The following PRELID2 variants were observed in gnomAD, a reference collection of about 807,000 sequenced individuals.
The protein encoded by PRELID2 is PRELI domain-containing protein 2.
In PRELID2, 25 loss-of-function variants were observed where a neutral mutation model predicts 28.4. That is an observed-to-expected ratio of 0.88 (90% CI 0.64 to 1.23). The LOEUF (loss-of-function observed/expected upper bound fraction) is 1.23, where lower values mean the gene tolerates loss of function less well. Among genes scored for constraint, PRELID2 ranks in the 50% most tolerant of loss-of-function variants. The pLI is 0.00. For synonymous variants in PRELID2, 76 were observed against 71.6 expected (o/e 1.06, Z -0.31); for missense variants, 201 against 214.4 (o/e 0.94, Z 0.39).
the PRELID2 span, among the ~76,000 whole-genome samples, chr5:145,278,156 G>A: frequency 1.3e-5 from 2 of 152,084 alleles, no homozygotes; most frequent in African/African-American, 2.4e-5. Flanking sequence ...TCACACTTTT[G>A]TTCCCTCTTG....
chr5:145,776,953 G>A (rs1435113504), intron 5 of PRELID2, among the ~76,000 whole-genome samples: 1 of 152,168 alleles, frequency 6.6e-6, no homozygotes, highest in Non-Finnish European at 1.5e-5. Flanking sequence ...ATTAAGGCTT[G>A]TATTTTTAAA....
At chr5:145,726,410 C>G (rs1756168089) in intron 1 of PRELID2, among the ~76,000 whole-genome samples, 1 of 152,122 alleles carries the variant, frequency 6.6e-6, no homozygotes, top group East Asian at 1.9e-4. Flanking sequence ...GGTCAGGGAT[C>G]TATAGTCAGG....
intron 1 of PRELID2, among the ~76,000 whole-genome samples, chr5:145,510,373 G>A (rs959908358): frequency 3.9e-5 from 6 of 152,132 alleles, no homozygotes; most frequent in Non-Finnish European, 8.8e-5. Context: ...AATGGGACTA[G>A]ACAGCCTTAC....
the PRELID2 span, among the ~76,000 whole-genome samples, chr5:145,314,704 AAAGT>A: frequency 2.0e-5 from 3 of 152,002 alleles, no homozygotes; most frequent in Admixed American, 6.6e-5. Flanking sequence ...GTATCATTTC[AAAGT>A]AAGTTGCCAG....
At chr5:145,258,087 T>G in the PRELID2 span, among the ~76,000 whole-genome samples, 128 of 152,276 alleles carry the variant, frequency 8.4e-4, no homozygotes, top group African/African-American at 3.0e-3. Context: ...AGAAGCTTCC[T>G]GAAGCCTCCT....
intron 1 of PRELID2, among the ~76,000 whole-genome samples, chr5:145,510,548 C>T (rs946888081): frequency 2.0e-5 from 3 of 152,198 alleles, no homozygotes; most frequent in African/African-American, 7.2e-5. Context: ...ATTTCCAGTA[C>T]AGCATTTGAT....
At chr5:145,246,316 T>C in the PRELID2 span, among the ~76,000 whole-genome samples, 266 of 152,218 alleles carry the variant, frequency 1.7e-3, 1 homozygote, top group Middle Eastern at 6.8e-3. Context: ...TTTGTTTATC[T>C]GATACATTTT....
intron 1 of PRELID2, among the ~76,000 whole-genome samples, chr5:145,606,919 G>T (rs968144998): frequency 6.6e-6 from 1 of 151,928 alleles, no homozygotes; most frequent in African/African-American, 2.4e-5. Flanking sequence ...TTCAATTTTG[G>T]AACTCATTAG....
intron 4 of PRELID2, among the ~76,000 whole-genome samples, chr5:145,805,413 G>T (rs1753429201): frequency 6.6e-6 from 1 of 152,154 alleles, no homozygotes; most frequent in Admixed American, 6.5e-5. Flanking sequence ...GCTTACCACT[G>T]GGACCATGGG....
chr5:145,533,678 T>C (rs1187176095), intron 1 of PRELID2, among the ~76,000 whole-genome samples: 1 of 152,092 alleles, frequency 6.6e-6, no homozygotes, highest in Non-Finnish European at 1.5e-5. Flanking sequence ...AGCATATATA[T>C]TTCCCTCTTA....
At chr5:145,383,282 T>G in the PRELID2 span, among the ~76,000 whole-genome samples, 1 of 151,426 alleles carries the variant, frequency 6.6e-6, no homozygotes, top group African/African-American at 2.4e-5. Flanking sequence ...TATACACACA[T>G]ACGTACATAT....
intron 1 of PRELID2, among the ~76,000 whole-genome samples, chr5:145,559,203 C>T (rs1054953286): frequency 6.0e-5 from 9 of 151,062 alleles, no homozygotes; most frequent in South Asian, 2.1e-4. Context: ...GGCAGTGAGC[C>T]GAGATTCCGC....
At chr5:145,274,955 G>T in the PRELID2 span, among the ~76,000 whole-genome samples, 1 of 152,014 alleles carries the variant, frequency 6.6e-6, no homozygotes, top group African/African-American at 2.4e-5. Flanking sequence ...TCTCACTTTG[G>T]CTTTTGGATG....
the PRELID2 span, among the ~76,000 whole-genome samples, chr5:145,415,801 T>A: frequency 6.6e-6 from 1 of 152,032 alleles, no homozygotes; most frequent in South Asian, 2.1e-4. Flanking sequence ...TACCCACTAA[T>A]GAGATGGCTG....
chr5:145,310,751 T>G, the PRELID2 span, among the ~76,000 whole-genome samples: 1 of 152,196 alleles, frequency 6.6e-6, no homozygotes, highest in Non-Finnish European at 1.5e-5. Flanking sequence ...TCAAAATGCA[T>G]CTTCGTAAAC....
intron 1 of PRELID2, among the ~76,000 whole-genome samples, chr5:145,656,530 C>A (rs958833614): frequency 1.3e-5 from 2 of 151,964 alleles, no homozygotes; most frequent in Admixed American, 6.6e-5. Flanking sequence ...AGACTGGATT[C>A]AGAAAATGTG....
exon 3 of PRELID2, chr5:145,471,875 G>A (rs542068634): frequency 1.3e-5 from 2 of 152,244 alleles, no homozygotes; most frequent in South Asian, 2.1e-4. Context: ...GAGAGCTGGA[G>A]GAGCCAGCTC....
the PRELID2 span, among the ~76,000 whole-genome samples, chr5:145,268,491 C>T: frequency 1.3e-5 from 2 of 152,036 alleles, no homozygotes; most frequent in African/African-American, 2.4e-5. Flanking sequence ...CAGGTACCTC[C>T]CCACTCCTCC....
rs140749419 is a variant in PRELID2, at chr5:145,520,128, T to A, written n.71-46813A>T. On this transcript the variant is annotated intron_variant and non_coding_transcript_variant, in intron 1 of 2. Transcript: ENST00000510259. ...TTTCTTTCTTTGGGGTACAAAAAAA[T>A]TCTGTAAAGGAACATTTTCCCGCTA... Among the ~76,000 whole-genome samples, 29 of 152,178 alleles carry A rather than the reference T, an allele frequency of 1.9e-4. 1 individual carries two copies. In the East Asian group the frequency reaches 4.8e-3, roughly 25 times the overall value.
Sources: allele counts gnomAD v4.1 joint callset (sites outside exome capture counted in the v4.1 genomes callset), GRCh38; gene constraint gnomAD v4.1.1; transcripts MANE v1.5; gene names NCBI Gene and HGNC (gene_info 2026-07-23, HGNC 2026-07-21).